The following NDUFAF6 variants were observed in gnomAD, a reference collection of about 807,000 sequenced individuals.
The protein encoded by NDUFAF6 is NADH dehydrogenase (ubiquinone) complex I, assembly factor 6.
In NDUFAF6, 45 loss-of-function variants were observed where a neutral mutation model predicts 40.8. The ratio of observed to expected loss-of-function variants is 1.10; its 90% CI spans 0.87 to 1.42. The LOEUF is 1.42. Ranked by LOEUF, NDUFAF6 falls within the 40% of genes most tolerant of loss-of-function variation. NDUFAF6 has a pLI of 0.00. For synonymous variants in NDUFAF6, 185 were observed against 155.9 expected, an observed-to-expected ratio of 1.19 and a Z score of -1.39; for missense variants, 435 against 418.5, an observed-to-expected ratio of 1.04 and a Z score of -0.34.
intron 1 of NDUFAF6, among the ~76,000 whole-genome samples, chr8:94,902,512 C>T (rs1487775585): frequency 6.6e-6 from 1 of 151,828 alleles, no homozygotes; most frequent in East Asian, 1.9e-4. Context: ...AACATTACCA[C>T]CACAGTGTTT....
intron 1 of NDUFAF6, among the ~76,000 whole-genome samples, chr8:94,896,144 C>T (rs1586565802): frequency 1.3e-5 from 2 of 152,080 alleles, no homozygotes; most frequent in East Asian, 3.9e-4. Context: ...TAAAACCCCT[C>T]TCCGGAGCGG....
chr8:94,903,318 C>T (rs950835273), intron 1 of NDUFAF6, among the ~76,000 whole-genome samples: 3 of 152,036 alleles, frequency 2.0e-5, no homozygotes, highest in Non-Finnish European at 4.4e-5. Context: ...GAGATTGTAC[C>T]ACTGCACTCT....
chr8:95,064,540 CG>C (rs1832653393), intron 9 of NDUFAF6, among the ~76,000 whole-genome samples: 3 of 149,626 alleles, frequency 2.0e-5, no homozygotes, highest in Non-Finnish European at 4.5e-5. Flanking sequence ...ATCATTTATT[CG>C]TGTGTGTGTG....
chr8:95,104,761 G>A (rs1166790800), downstream of NDUFAF6, among the ~76,000 whole-genome samples: 2 of 152,078 alleles, frequency 1.3e-5, no homozygotes, highest in Admixed American at 6.6e-5. Flanking sequence ...TTATGTGACT[G>A]CAGCCCCCTC....
At chr8:94,941,374 T>C (rs1210528602) in intron 1 of NDUFAF6, among the ~76,000 whole-genome samples, 2 of 152,140 alleles carry the variant, frequency 1.3e-5, no homozygotes, top group African/African-American at 4.8e-5. Flanking sequence ...TTGAATAATA[T>C]CCTTCAAACT....
At chr8:94,897,658 T>G (rs1817727607) in intron 1 of NDUFAF6, among the ~76,000 whole-genome samples, 1 of 148,958 alleles carries the variant, frequency 6.7e-6, no homozygotes, top group Non-Finnish European at 1.5e-5. Context: ...AGGCACAGGC[T>G]TAAAAAAAAA....
intron 2 of NDUFAF6, among the ~76,000 whole-genome samples, chr8:95,087,313 CA>C (rs1809084349): frequency 6.6e-6 from 1 of 152,240 alleles, no homozygotes; most frequent in Non-Finnish European, 1.5e-5. Context: ...CAGGCATCCC[CA>C]AAGATTTTTT....
chr8:95,117,077 G>A (rs553962398), downstream of NDUFAF6, among the ~76,000 whole-genome samples: 31 of 152,314 alleles, frequency 2.0e-4, no homozygotes, highest in African/African-American at 7.5e-4. Context: ...TAATGGGACT[G>A]GTGGCTGTAT....
upstream of NDUFAF6, among the ~76,000 whole-genome samples, chr8:95,023,898 G>A (rs951989013): frequency 2.6e-5 from 4 of 151,964 alleles, no homozygotes; most frequent in Non-Finnish European, 5.9e-5. Context: ...GGCTGAGGCG[G>A]GAGAATCGCT....
At chr8:95,092,370 C>T (rs1012563366) in intron 2 of NDUFAF6, among the ~76,000 whole-genome samples, 3 of 151,516 alleles carry the variant, frequency 2.0e-5, no homozygotes, top group Non-Finnish European at 4.4e-5. Context: ...TTAGTAGAGA[C>T]GAGGTTTCAC....
downstream of NDUFAF6, among the ~76,000 whole-genome samples, chr8:95,106,746 T>C (rs1055222253): frequency 6.6e-6 from 1 of 152,128 alleles, no homozygotes; most frequent in African/African-American, 2.4e-5. Context: ...GACAAAGGGC[T>C]AATATCCAGA....
intron 1 of NDUFAF6, among the ~76,000 whole-genome samples, chr8:94,905,365 A>T: frequency 6.7e-6 from 1 of 148,852 alleles, no homozygotes; most frequent in African/African-American, 2.5e-5. Context: ...GATTTTTCTG[A>T]GGCAACAGTT....
chr8:94,970,992 G>T (rs113058312), intron 1 of NDUFAF6, among the ~76,000 whole-genome samples: 8 of 152,318 alleles, frequency 5.3e-5, no homozygotes, highest in African/African-American at 1.4e-4. Context: ...TAAATTCTGT[G>T]CTGGCTTCTC....
intron 2 of NDUFAF6, among the ~76,000 whole-genome samples, chr8:94,992,506 A>G (rs1461280432): frequency 6.6e-6 from 1 of 152,164 alleles, no homozygotes; most frequent in Non-Finnish European, 1.5e-5. Context: ...AAAAAATGAC[A>G]TGTTAAAAAA....
downstream of NDUFAF6, among the ~76,000 whole-genome samples, chr8:95,108,042 C>T (rs75174686): frequency 0.015 from 2,299 of 152,266 alleles, 26 homozygotes; most frequent in Admixed American, 0.023. Context: ...AGAAAAACAA[C>T]AACGACAAAA....
At chr8:94,973,569 G>A (rs1586856907) in intron 1 of NDUFAF6, among the ~76,000 whole-genome samples, 1 of 152,232 alleles carries the variant, frequency 6.6e-6, no homozygotes, top group East Asian at 1.9e-4. Context: ...TTAGCCAGGT[G>A]TGGTGGCGGG....
At chr8:94,985,551 T>TC (rs1187474292) in intron 2 of NDUFAF6, among the ~76,000 whole-genome samples, 3 of 95,458 alleles carry the variant, frequency 3.1e-5, no homozygotes, top group African/African-American at 1.2e-4. Context: ...TTTTTTTTTT[T>TC]CTGAGACAGA....
intron 2 of NDUFAF6, among the ~76,000 whole-genome samples, chr8:94,990,186 A>T (rs921362623): frequency 1.3e-5 from 2 of 152,206 alleles, no homozygotes; most frequent in African/African-American, 4.8e-5. Flanking sequence ...CTGTGGAGCA[A>T]GCTGAGAGGT....
intron 2 of NDUFAF6, among the ~76,000 whole-genome samples, chr8:95,081,753 T>A (rs930357933): frequency 1.3e-5 from 2 of 152,204 alleles, no homozygotes; most frequent in African/African-American, 4.8e-5. Context: ...ATTTTATCCA[T>A]GCATCTTAGT....
Sources: allele counts gnomAD v4.1 joint callset (sites outside exome capture counted in the v4.1 genomes callset), GRCh38; gene constraint gnomAD v4.1.1; transcripts MANE v1.5; gene names NCBI Gene and HGNC (gene_info 2026-07-23, HGNC 2026-07-21).